Variants in CDK14 observed in about 807,000 individuals in gnomAD.
CDK14 encodes cyclin dependent kinase 14.
In CDK14, 34 loss-of-function variants were observed where a neutral mutation model predicts 60.7. The observed-to-expected ratio is 0.56, with a 90% CI of 0.43 to 0.75. The LOEUF (loss-of-function observed/expected upper bound fraction) is 0.75, where lower values mean the gene tolerates loss of function less well. Among genes scored for constraint, CDK14 ranks in the 30% least tolerant of loss-of-function variants. The probability of loss-of-function intolerance (pLI) is 0.00; values close to 1 mark genes in which losing one functional copy is unlikely to be tolerated. For synonymous variants in CDK14, 197 were observed against 203.7 expected (o/e 0.97, Z 0.28); for missense variants, 482 against 564.1 (o/e 0.85, Z 1.47).
intron 3 of CDK14, among the ~76,000 whole-genome samples, chr7:90,739,866 C>G (rs549972876): frequency 6.6e-6 from 1 of 152,158 alleles, no homozygotes; most frequent in East Asian, 1.9e-4. Context: ...CTATTTAAAA[C>G]TTGGGCTCAG....
chr7:90,950,528 A>G (rs1338807666), intron 8 of CDK14, among the ~76,000 whole-genome samples: 2 of 152,182 alleles, frequency 1.3e-5, no homozygotes, highest in African/African-American at 2.4e-5. Flanking sequence ...ATAAAGTAAA[A>G]TCCACTGGGT....
intron 14 of CDK14, among the ~76,000 whole-genome samples, chr7:91,164,605 A>G (rs1456085523): frequency 2.0e-5 from 3 of 152,204 alleles, no homozygotes; most frequent in Non-Finnish European, 4.4e-5. Context: ...AGATTTGGCT[A>G]TGTTGCAGAT....
At chr7:90,805,614 G>C (rs1434738948) in intron 5 of CDK14, among the ~76,000 whole-genome samples, 1 of 151,956 alleles carries the variant, frequency 6.6e-6, no homozygotes, top group Admixed American at 6.6e-5. Context: ...ACAAAATCTT[G>C]ATGGAAAGAA....
intron 11 of CDK14, among the ~76,000 whole-genome samples, chr7:91,049,839 A>T (rs1468828328): frequency 6.6e-6 from 1 of 152,220 alleles, no homozygotes; most frequent in Non-Finnish European, 1.5e-5. Flanking sequence ...CCTTACAGGG[A>T]GAGACATATA....
chr7:91,090,306 G>C (rs1009261634), intron 12 of CDK14, among the ~76,000 whole-genome samples: 2 of 152,048 alleles, frequency 1.3e-5, no homozygotes, highest in African/African-American at 4.8e-5. Flanking sequence ...TAGAAGCTGC[G>C]TTACATATTT....
At chr7:90,883,934 A>G (rs1341214697) in intron 6 of CDK14, among the ~76,000 whole-genome samples, 2 of 152,238 alleles carry the variant, frequency 1.3e-5, no homozygotes, top group Admixed American at 6.5e-5. Flanking sequence ...GACAGAACAT[A>G]TCTCAAAATA....
intron 4 of CDK14, among the ~76,000 whole-genome samples, chr7:90,788,223 A>G (rs1452920961): frequency 6.6e-6 from 1 of 152,176 alleles, no homozygotes; most frequent in Non-Finnish European, 1.5e-5. Context: ...AGTTCCTGGA[A>G]TCAGTTACTG....
intron 12 of CDK14, among the ~76,000 whole-genome samples, chr7:91,091,721 AGAAGGAAGGAAGGAAG>A (rs869034752): frequency 3.9e-5 from 4 of 103,778 alleles, no homozygotes; most frequent in Admixed American, 3.5e-4. Flanking sequence ...AGGGAAGGAA[AGAAGGAAGGAAGGAAG>A]GAAGGAAGGA....
chr7:90,944,056 C>T (rs1300346958), intron 8 of CDK14, among the ~76,000 whole-genome samples: 1 of 152,102 alleles, frequency 6.6e-6, no homozygotes, highest in East Asian at 1.9e-4. Flanking sequence ...TGAGGTTGCC[C>T]ATCATGTTTT....
chr7:90,787,648 C>T (rs1331103431), intron 4 of CDK14, among the ~76,000 whole-genome samples: 2 of 152,094 alleles, frequency 1.3e-5, no homozygotes, highest in African/African-American at 4.8e-5. Context: ...GTTGATAAAA[C>T]AGGAAAAGTC....
At chr7:90,634,632 C>A (rs1376105753) in intron 2 of CDK14, among the ~76,000 whole-genome samples, 2 of 152,018 alleles carry the variant, frequency 1.3e-5, no homozygotes. Context: ...ATTTATAGTC[C>A]TTTGGGTATA....
chr7:90,612,113 G>A (rs934423259), intron 2 of CDK14, among the ~76,000 whole-genome samples: 1 of 152,114 alleles, frequency 6.6e-6, no homozygotes, highest in African/African-American at 2.4e-5. Context: ...GATTACAGGG[G>A]TGAGCCAGCA....
At chr7:90,781,064 G>A (rs570099461) in intron 4 of CDK14, among the ~76,000 whole-genome samples, 2,068 of 152,152 alleles carry the variant, frequency 0.014, 40 homozygotes, top group African/African-American at 0.046. Flanking sequence ...TCCAGCACCT[G>A]TTGTTTCCTG....
At chr7:90,705,785 T>C (rs17716111) in intron 2 of CDK14, among the ~76,000 whole-genome samples, 22,671 of 151,364 alleles carry the variant, frequency 0.15, 1,816 homozygotes, top group South Asian at 0.18. Context: ...GAATGAATCA[T>C]AAAAATGAAG....
intron 11 of CDK14, among the ~76,000 whole-genome samples, chr7:91,067,584 CTTAG>C (rs1798018010): frequency 6.6e-6 from 1 of 152,216 alleles, no homozygotes; most frequent in African/African-American, 2.4e-5. Context: ...GTAACCAGGA[CTTAG>C]TTATTTTTAT....
chr7:90,825,978 A>C (rs1467300192), intron 5 of CDK14, among the ~76,000 whole-genome samples: 1 of 152,184 alleles, frequency 6.6e-6, no homozygotes, highest in Non-Finnish European at 1.5e-5. Context: ...AATTTCAATA[A>C]ATTGCTTTTG....
At chr7:91,130,657 A>G (rs1175656858) in intron 14 of CDK14, among the ~76,000 whole-genome samples, 1 of 152,186 alleles carries the variant, frequency 6.6e-6, no homozygotes, top group East Asian at 1.9e-4. Flanking sequence ...TGTACAATAG[A>G]TAAAAATCCC....
chr7:90,805,735 C>T (rs1315924429), intron 5 of CDK14, among the ~76,000 whole-genome samples: 3 of 152,100 alleles, frequency 2.0e-5, no homozygotes, highest in Non-Finnish European at 4.4e-5. Context: ...TAATGTCACA[C>T]CTGTCAAAAT....
intron 5 of CDK14, among the ~76,000 whole-genome samples, chr7:90,814,464 C>T (rs987217624): frequency 1.3e-5 from 2 of 151,856 alleles, no homozygotes; most frequent in African/African-American, 2.4e-5. Context: ...GAAAATAACC[C>T]AATATGAGCA....
Sources: gnomAD v4.1 joint callset for allele counts (sites outside exome capture counted in the v4.1 genomes callset) on GRCh38, gnomAD v4.1.1 for gene constraint, MANE v1.5 for transcripts, NCBI Gene and HGNC (gene_info 2026-07-23, HGNC 2026-07-21) for gene names.